The following ZSWIM4 variants were observed in gnomAD, a reference collection of about 807,000 sequenced individuals.
The protein encoded by ZSWIM4 is zinc finger SWIM domain-containing protein 4.
In ZSWIM4, 62 loss-of-function variants were observed where a neutral mutation model predicts 102.5. The ratio of observed to expected loss-of-function variants is 0.60; its 90% CI spans 0.49 to 0.75. The LOEUF (loss-of-function observed/expected upper bound fraction) is 0.75. ZSWIM4 is among the 30% of genes least tolerant of loss of function. The pLI is 0.00. For synonymous variants in ZSWIM4, 652 were observed against 674.5 expected (o/e 0.97, Z 0.52); for missense variants, 1,280 against 1,529.6 (o/e 0.84, Z 2.72).
At chr19:13,808,686 C>G (rs1340964809) in intron 3 of ZSWIM4, 150 bp from the exon 4 acceptor site, 1 of 830,078 alleles carries the variant, frequency 1.2e-6, no homozygotes, top group Non-Finnish European at 1.8e-6. Context: ...TTGTAGTGAG[C>G]GAAGATCGTG....
chr19:13,815,691 C>T (rs1166244634), intron 7 of ZSWIM4, among the ~76,000 whole-genome samples: 1 of 149,060 alleles, frequency 6.7e-6, no homozygotes, highest in Non-Finnish European at 1.5e-5. Context: ...AGGCTCTTCT[C>T]GAACTCCTGA....
chr19:13,828,279 G>A (rs1048958737), intron 12 of ZSWIM4, among the ~76,000 whole-genome samples: 12 of 151,900 alleles, frequency 7.9e-5, no homozygotes, highest in Non-Finnish European at 1.3e-4. Context: ...CATGGTGGCG[G>A]GCACCTGTAA....
Position 13,830,734 on chromosome 19 carries a change from G to C in ZSWIM4, c.3005G>C (p.Arg1002Pro). ...CCAATGCTGTCCGATATTCTGCGCC[G>C]CTGGACTCTCTCGGCGCCCGGTCTG... is the stretch of plus-strand genomic sequence containing the variant. Reference protein sequence around the residue: ...CAPMLSDILRRWTLSAPGLGP... With the variant: ...CAPMLSDILRPWTLSAPGLGP... The change falls in exon 14 of 14, where the codon CGC becomes CCC. Residue 1002 changes from arginine (R) to proline (P), a missense_variant. Physicochemically the swap from Arg to Pro is moderately radical, Grantham distance 103. Transcript: ENST00000590508. 6.2e-7 allele frequency: 1 copy of C among 1,608,214 alleles called. No homozygotes were observed.
intron 6 of ZSWIM4, 28 bp from the exon 7 acceptor site, chr19:13,814,487 C>T: frequency 8.9e-7 from 1 of 1,129,902 alleles, no homozygotes; most frequent in Non-Finnish European, 1.1e-6. Context: ...CCCCCCCTCA[C>T]TGAGCCATGT....
Position 13,798,123 on chromosome 19 carries a change from C to A in ZSWIM4, c.154-1597C>A, listed in dbSNP as rs1974660333. ...TTCAGCATAGTGTGTGCATTCTTTT[C>A]TTTTCTTTTCTTTTTTCTTTTCTTT... is the stretch of plus-strand genomic sequence containing the variant. On this transcript the variant is annotated intron_variant, in intron 1 of 13. Coordinates refer to ENST00000590508, the MANE Select transcript of ZSWIM4 (RefSeq NM_001367834.3). Among the ~76,000 whole-genome samples, 4 of 152,274 alleles carry A rather than the reference C, an allele frequency of 2.6e-5. No individual in the cohort carries two copies. In the South Asian group the frequency reaches 6.2e-4, roughly 24 times the overall value.
rs200254888 is a variant in ZSWIM4 at position 13,823,540 on chromosome 19, T to A, written c.2215+40T>A. The A allele has an allele frequency of 8.4e-6, 13 of 1,544,884 alleles. No homozygotes were observed. The East Asian group carries it at 2.9e-4, about 35-fold the overall frequency. ...TGTCCCGATTCCTTTGTCTTCCTCC[T>A]CTGTCATCTCCTTCTTCCTTCCCTC... is the stretch of plus-strand genomic sequence containing the variant. On this transcript the variant is annotated intron_variant, in intron 11 of 13. Coordinates refer to ENST00000590508, the MANE Select transcript of ZSWIM4 (RefSeq NM_001367834.3).
intron 10 of ZSWIM4, among the ~76,000 whole-genome samples, chr19:13,821,113 A>G (rs1024313236): frequency 2.6e-5 from 4 of 151,920 alleles, no homozygotes; most frequent in African/African-American, 4.8e-5. Context: ...GTGAAAACCT[A>G]TCTCTACTAA....
chr19:13,823,493 C>T lies in ZSWIM4; in HGVS notation c.2208C>T (p.Ala736=), dbSNP rs770479616. The change falls in exon 11 of 14, where the codon GCC becomes GCT. Residue 736 remains alanine (A), a synonymous_variant. Transcript: ENST00000590508. ...QCELASTMLT[A]AKGDPKWLHT... Reference sequence around the variant, plus strand: ...AACTGGCTTCCACCATGTTGACGGCCGCCAAGGGTGAGGCTGGCAGCTGTC... The same window carrying T: ...AACTGGCTTCCACCATGTTGACGGCTGCCAAGGGTGAGGCTGGCAGCTGTC... The T allele has an allele frequency of 2.4e-5, 37 of 1,570,584 alleles. No individual in the cohort carries two copies. The highest frequency in any genetic ancestry group is 7.1e-5 in the East Asian group (3 of 42,138).
chr19:13,799,186 C>T (rs1197724586), intron 1 of ZSWIM4, among the ~76,000 whole-genome samples: 2 of 151,492 alleles, frequency 1.3e-5, no homozygotes, highest in Non-Finnish European at 2.9e-5. Context: ...CCTCAAGTGA[C>T]CCTCCTGCCC....
In ZSWIM4 at chr19:13,825,727, G is replaced by C. The variant is rs1379230213; in HGVS notation, c.2379+14G>C. On this transcript the variant is annotated intron_variant, in intron 12 of 13. Transcript: ENST00000590508. This position sits in a 1 kb window ranked among gnomAD's most constrained non-coding sequence, Gnocchi z 4.6. ...CTGGGGCTGCAGGTGAGGGCTGCCA[G>C]GTGGATGCGGGAGGGCGATGGTGGC... The C allele has an allele frequency of 1.5e-5, 24 of 1,600,948 alleles. No individual in the cohort carries two copies. The highest frequency in any genetic ancestry group is 2.0e-5 in the Non-Finnish European group (23 of 1,176,726).
intron 3 of ZSWIM4, among the ~76,000 whole-genome samples, chr19:13,808,128 T>C (rs1236599126): frequency 6.6e-6 from 1 of 151,988 alleles, no homozygotes; most frequent in Non-Finnish European, 1.5e-5. Context: ...ACTAAGGGAA[T>C]GGTGCTACAC....
chr19:13,806,814 A>G (rs78798416), intron 3 of ZSWIM4, among the ~76,000 whole-genome samples: 1,524 of 151,996 alleles, frequency 0.01, 21 homozygotes, highest in African/African-American at 0.035. Flanking sequence ...GAAAGATCCA[A>G]TGGGTACATG....
chr19:13,819,581 C>G, intron 10 of ZSWIM4, 89 bp downstream of exon 10: 1 of 1,468,282 alleles, frequency 6.8e-7, no homozygotes. Flanking sequence ...ACCCATCCAG[C>G]CTGAACTCAC....
intron 1 of ZSWIM4, among the ~76,000 whole-genome samples, chr19:13,797,179 G>A (rs550577935): frequency 1.3e-5 from 2 of 152,334 alleles, no homozygotes; most frequent in East Asian, 3.9e-4. Flanking sequence ...CAACCCTTTG[G>A]CAGTTGTTCT....
chr19:13,810,617 C>G (rs1178731818), intron 5 of ZSWIM4, among the ~76,000 whole-genome samples: 1 of 142,264 alleles, frequency 7.0e-6, no homozygotes, highest in African/African-American at 2.6e-5. Flanking sequence ...TTTCTTTTTT[C>G]TTTTTTTTTT....
Position 13,805,098 on chromosome 19 carries a change from G to A in ZSWIM4, c.662G>A (p.Arg221His), listed in dbSNP as rs376670331. ...ACTGAGGTGCTGCCCACTGCTCAGC[G>A]CTTGGCTGATGAGATCCTCCTGCTG... ...HHTEVLPTAQ[R>H]LADEILLLGS... Residue 221 changes from arginine to histidine, a missense_variant, in exon 3 of 14, where the codon CGC becomes CAC. Transcript: ENST00000590508. 1.1e-5 allele frequency: 17 copies of A among 1,603,894 alleles called. No homozygotes were observed. Among genetic ancestry groups the A allele is most frequent in the Middle Eastern group, 1.6e-4 (1 of 6,082 alleles).
rs767893510 is a variant in ZSWIM4, at chr19:13,819,433, C to T, written c.2001C>T (p.Phe667=). 13 of 1,610,778 alleles carry T rather than the reference C, an allele frequency of 8.1e-6. No individual in the cohort carries two copies. The highest frequency in any genetic ancestry group is 1.1e-5 in the Non-Finnish European group (13 of 1,178,706). ...TGCACACCTGTGCCCGCTACCTGTTCACCGCACTGCTGCCTCATGACCCGG... is the reference window on the plus strand; with the variant it reads ...TGCACACCTGTGCCCGCTACCTGTTTACCGCACTGCTGCCTCATGACCCGG... ...VPMHTCARYL[F]TALLPHDPDL... Residue 667 remains phenylalanine (F), a synonymous_variant, in exon 10 of 14, where the codon TTC becomes TTT. Coordinates refer to ENST00000590508, the MANE Select transcript of ZSWIM4 (RefSeq NM_001367834.3).
chr19:13,826,726 C>G (rs935462279), intron 12 of ZSWIM4, among the ~76,000 whole-genome samples: 2 of 152,042 alleles, frequency 1.3e-5, no homozygotes, highest in African/African-American at 4.8e-5. Flanking sequence ...AATCACACCA[C>G]TGCATTCCAG....
At chr19:13,813,264 G>A (rs1037676747) in intron 6 of ZSWIM4, 100 bp downstream of exon 6, 6 of 1,033,446 alleles carry the variant, frequency 5.8e-6, no homozygotes, top group Non-Finnish European at 8.3e-6. Context: ...GAGAGGGAGT[G>A]GGGCAGAGCA....
Sources: allele counts gnomAD v4.1 joint callset (sites outside exome capture counted in the v4.1 genomes callset), GRCh38; gene constraint gnomAD v4.1.1; non-coding constraint Gnocchi (gnomAD v3.1); transcripts MANE v1.5; gene names NCBI Gene and HGNC (gene_info 2026-07-23, HGNC 2026-07-21).